Variants in GMDS observed in about 807,000 individuals in gnomAD.
GMDS encodes the protein GDP-mannose 4,6 dehydratase.
A neutral mutation model predicts 49.9 loss-of-function variants in GMDS; 20 were observed. That is an observed-to-expected ratio of 0.40 (90% CI 0.28 to 0.58). GMDS has a LOEUF of 0.58. Ranked by LOEUF, GMDS falls within the 20% of genes least tolerant of loss-of-function variation. GMDS has a pLI of 0.42. For synonymous variants in GMDS, 177 were observed against 178.6 expected (o/e 0.99, Z 0.07); for missense variants, 362 against 481.4 (o/e 0.75, Z 2.32).
chr6:1,888,789 T>C (rs369310427), intron 7 of GMDS, among the ~76,000 whole-genome samples: 18 of 152,288 alleles, frequency 1.2e-4, no homozygotes, highest in African/African-American at 3.8e-4. Context: ...CAAGATGCAA[T>C]GAGGGTACAG....
chr6:2,150,302 C>A (rs1776781403), intron 1 of GMDS, among the ~76,000 whole-genome samples: 1 of 152,076 alleles, frequency 6.6e-6, no homozygotes, highest in Non-Finnish European at 1.5e-5. Flanking sequence ...CTAATCCTGG[C>A]ATTTTGGGAG....
In GMDS at chr6:2,008,374, T is replaced by A. The variant is rs142873929; in HGVS notation, c.346-47408A>T. On this transcript the variant is annotated intron_variant, in intron 4 of 10. Transcript: ENST00000380815. ...ATATTTAAACCAATACTTGTCACAC[T>A]TACATATGATGCGTTTTTCTTCACT... Among the ~76,000 whole-genome samples the A allele has an allele frequency of 7.4e-4, 113 of 152,356 alleles. 2 individuals are homozygous for A. Among genetic ancestry groups the A allele is most frequent in the Admixed American group, 6.9e-3 (105 of 15,290 alleles).
chr6:2,070,849 G>C (rs1371430252), intron 4 of GMDS, among the ~76,000 whole-genome samples: 1 of 152,152 alleles, frequency 6.6e-6, no homozygotes, highest in East Asian at 1.9e-4. Flanking sequence ...ATTCCCATCA[G>C]AGTGTATATC....
chr6:1,708,715 A>G (rs1765833532), intron 9 of GMDS, among the ~76,000 whole-genome samples: 1 of 152,264 alleles, frequency 6.6e-6, no homozygotes, highest in Admixed American at 6.5e-5. Flanking sequence ...AAGGCCAGTG[A>G]GCGCCGGGGG....
At chr6:1,653,331 C>T (rs1057058641) in intron 9 of GMDS, among the ~76,000 whole-genome samples, 7 of 152,174 alleles carry the variant, frequency 4.6e-5, no homozygotes, top group Admixed American at 2.6e-4. Flanking sequence ...CTTGTGTTCA[C>T]GGACTGGAAG....
At chr6:2,131,556 C>A (rs975613221) in intron 1 of GMDS, among the ~76,000 whole-genome samples, 3 of 152,112 alleles carry the variant, frequency 2.0e-5, no homozygotes, top group Admixed American at 2.0e-4. Flanking sequence ...CCAAGATAAA[C>A]CCATAATACA....
At chr6:2,044,056 CAAAAT>C (rs1039000809) in intron 4 of GMDS, among the ~76,000 whole-genome samples, 5 of 152,100 alleles carry the variant, frequency 3.3e-5, no homozygotes, top group African/African-American at 1.2e-4. Context: ...ATTAAAAAGT[CAAAAT>C]AAAACATGCT....
intron 1 of GMDS, among the ~76,000 whole-genome samples, chr6:2,165,387 GGGA>G (rs1443703734): frequency 6.6e-6 from 1 of 152,214 alleles, no homozygotes; most frequent in Non-Finnish European, 1.5e-5. Flanking sequence ...TGAGTCCAAA[GGGA>G]GGAGAAGACC....
intron 9 of GMDS, among the ~76,000 whole-genome samples, chr6:1,672,577 C>T (rs1270741321): frequency 6.6e-6 from 1 of 152,168 alleles, no homozygotes; most frequent in African/African-American, 2.4e-5. Flanking sequence ...AAATCTGATG[C>T]TGGGAGATAA....
At position 1,703,337 on chromosome 6, in the gene GMDS, C is replaced by A. The variant is rs1460215615; in HGVS notation, c.987+23079G>T. 2.0e-5 allele frequency among the ~76,000 whole-genome samples: 3 copies of A among 152,294 alleles called. No individual in the cohort carries two copies. In the East Asian group the frequency reaches 5.8e-4, roughly 29 times the overall value. The stretch of plus-strand genomic sequence containing the variant: ...TGATAGTTTGTAAATATTCTTAAGG[C>A]AGACAGTTGCTACCTGACTTCACCT... On this transcript the variant is annotated intron_variant, in intron 9 of 10. Transcript: ENST00000380815.
At chr6:1,759,285 C>A (rs966363989) in intron 7 of GMDS, among the ~76,000 whole-genome samples, 3 of 152,110 alleles carry the variant, frequency 2.0e-5, no homozygotes, top group Admixed American at 2.0e-4. Context: ...CTGGAAGGGG[C>A]CTTAGAGGTG....
At chr6:1,674,566 T>TC (rs1561718371) in intron 9 of GMDS, among the ~76,000 whole-genome samples, 3 of 105,402 alleles carry the variant, frequency 2.8e-5, no homozygotes, top group African/African-American at 9.1e-5. Flanking sequence ...CTCTCTTTTT[T>TC]TTTTTTTTTT....
intron 7 of GMDS, among the ~76,000 whole-genome samples, chr6:1,898,933 C>A (rs543897920): frequency 6.6e-6 from 1 of 152,120 alleles, no homozygotes; most frequent in Non-Finnish European, 1.5e-5. Flanking sequence ...ATGGATTACA[C>A]AAATAATGAA....
intron 1 of GMDS, among the ~76,000 whole-genome samples, chr6:2,200,216 G>A (rs1011964686): frequency 6.6e-6 from 1 of 152,182 alleles, no homozygotes; most frequent in South Asian, 2.1e-4. Context: ...CATGTGCCAG[G>A]TGATGAAAAG....
At chr6:1,851,432 T>C (rs1276218063) in intron 7 of GMDS, among the ~76,000 whole-genome samples, 3 of 152,190 alleles carry the variant, frequency 2.0e-5, no homozygotes, top group African/African-American at 4.8e-5. Flanking sequence ...CAATATAATA[T>C]TATATTAAAG....
intron 1 of GMDS, among the ~76,000 whole-genome samples, chr6:2,137,838 G>C (rs1209799316): frequency 3.3e-5 from 5 of 152,172 alleles, no homozygotes; most frequent in Non-Finnish European, 7.3e-5. Context: ...AACCAGCAAT[G>C]ATCTATGAAT....
At chr6:1,755,470 A>G (rs1445146694) in intron 7 of GMDS, among the ~76,000 whole-genome samples, 1 of 152,190 alleles carries the variant, frequency 6.6e-6, no homozygotes, top group Non-Finnish European at 1.5e-5. Context: ...TGTAGATTCA[A>G]TGCTATCCCC....
chr6:1,709,358 C>A (rs767658809), intron 9 of GMDS, among the ~76,000 whole-genome samples: 9 of 152,244 alleles, frequency 5.9e-5, no homozygotes, highest in Non-Finnish European at 1.0e-4. Flanking sequence ...CGTGGGGGAG[C>A]ACGGCCTGGA....
chr6:1,709,993 C>CAT (rs1432861083), intron 9 of GMDS, among the ~76,000 whole-genome samples: 2 of 152,220 alleles, frequency 1.3e-5, no homozygotes, highest in Admixed American at 6.5e-5. Context: ...AAAAATCACA[C>CAT]ATATATATAA....
Sources: allele counts gnomAD v4.1 joint callset (sites outside exome capture counted in the v4.1 genomes callset), GRCh38; gene constraint gnomAD v4.1.1; transcripts MANE v1.5; gene names NCBI Gene and HGNC (gene_info 2026-07-23, HGNC 2026-07-21).